CACNA1S: variants seen among roughly 807,000 people sequenced by gnomAD.
CACNA1S encodes calcium voltage-gated channel subunit alpha1 S.
Under a neutral mutation model 207.4 loss-of-function variants are expected in CACNA1S, and 126 were observed. The ratio of observed to expected loss-of-function variants is 0.61; its 90% CI spans 0.53 to 0.70. The LOEUF (loss-of-function observed/expected upper bound fraction) is 0.70, where lower values mean the gene tolerates loss of function less well. Ranked by LOEUF, CACNA1S falls within the 30% of genes least tolerant of loss-of-function variation. The pLI, the probability that CACNA1S is intolerant of heterozygous loss-of-function variation, is 0.00. For synonymous variants in CACNA1S, 960 were observed against 932.7 expected, an observed-to-expected ratio of 1.03 and a Z score of -0.53; for missense variants, 2,349 against 2,422.8, an observed-to-expected ratio of 0.97 and a Z score of 0.64.
At chr1:201,046,317 G>A (rs1361308277) in intron 38 of CACNA1S, among the ~76,000 whole-genome samples, 1 of 152,104 alleles carries the variant, frequency 6.6e-6, no homozygotes, top group Non-Finnish European at 1.5e-5. Flanking sequence ...AAATAGCTGG[G>A]ATTACAAGCG....
At chr1:201,107,359 G>T (rs1662931437) in intron 2 of CACNA1S, among the ~76,000 whole-genome samples, 1 of 152,112 alleles carries the variant, frequency 6.6e-6, no homozygotes, top group Admixed American at 6.5e-5. Flanking sequence ...ACTAGCTTAG[G>T]TTCTCTGTCA....
At chr1:201,047,423 G>A in intron 37 of CACNA1S, 102 bp downstream of exon 37, 7 of 1,255,000 alleles carry the variant, frequency 5.6e-6, no homozygotes, top group Non-Finnish European at 8.1e-6. Context: ...CATTTATGGA[G>A]GATCTGGTCC....
chr1:201,039,669 G>A lies in CACNA1S; in HGVS notation c.*162C>T, dbSNP rs1038931511. The A allele has an allele frequency of 2.7e-5, 23 of 845,330 alleles. No individual in the cohort carries two copies. Among genetic ancestry groups the A allele is most frequent in the South Asian group, 9.5e-5 (6 of 62,964 alleles). 52.4% of individuals were successfully genotyped at this position (845,330 alleles called of 1,614,324 possible). A position where few individuals can be genotyped will look rare whatever the true frequency, so the allele number is the denominator to read the frequency against. On this transcript the variant is annotated 3_prime_UTR_variant, in exon 44 of 44. Transcript: ENST00000362061. The stretch of plus-strand genomic sequence containing the variant: ...CAGGGCCTGTCCAGCTACTTCCTCC[G>A]CACTTTTTGAGGTGGTTCCTGACCA...
intron 7 of CACNA1S, among the ~76,000 whole-genome samples, chr1:201,087,004 A>G (rs907937011): frequency 6.6e-6 from 1 of 152,222 alleles, no homozygotes; most frequent in African/African-American, 2.4e-5. Context: ...AATTCTATCT[A>G]TAGACTGCCT....
intron 2 of CACNA1S, among the ~76,000 whole-genome samples, chr1:201,099,041 T>C (rs1283436271): frequency 6.6e-6 from 1 of 152,100 alleles, no homozygotes; most frequent in African/African-American, 2.4e-5. Flanking sequence ...GGACCGCACA[T>C]CCCCTCACCC....
At chr1:201,041,649 G>A in intron 40 of CACNA1S, 60 bp from the exon 41 acceptor site, 1 of 1,231,728 alleles carries the variant, frequency 8.1e-7, no homozygotes, top group Non-Finnish European at 1.2e-6. Context: ...CGGCATCCCT[G>A]CCTCTCTGGC....
intron 8 of CACNA1S, 87 bp from the exon 9 acceptor site, chr1:201,085,118 A>C: frequency 1.1e-6 from 1 of 940,078 alleles, no homozygotes; most frequent in Non-Finnish European, 1.7e-6. Context: ...ACAAGGGCCC[A>C]TTGACCAGAG....
At chr1:201,051,252 T>G (rs894966056) in intron 32 of CACNA1S, 109 bp from the exon 33 acceptor site, 12 of 1,028,128 alleles carry the variant, frequency 1.2e-5, no homozygotes, top group African/African-American at 1.6e-5. Flanking sequence ...CTGGGGCTGT[T>G]GTCCAATGGT....
At chr1:201,077,281 G>T (rs1428337188) in intron 11 of CACNA1S, among the ~76,000 whole-genome samples, 154 bp from the exon 12 acceptor site, 1 of 152,186 alleles carries the variant, frequency 6.6e-6, no homozygotes, top group Non-Finnish European at 1.5e-5. Flanking sequence ...ATGGCTGCAT[G>T]CCCACTCTCT....
chr1:201,077,778 C>G, intron 11 of CACNA1S, 101 bp downstream of exon 11: 3 of 765,620 alleles, frequency 3.9e-6, no homozygotes, highest in Non-Finnish European at 6.7e-6. Context: ...AGTGGTGAAC[C>G]TGCACAGATC....
At position 201,087,126 on chromosome 1, in the gene CACNA1S, A is replaced by C. The variant is rs146976463; in HGVS notation, c.1004+700T>G. On this transcript the variant is annotated intron_variant, in intron 7 of 43. Transcript: ENST00000362061. Reference sequence around the variant, plus strand: ...GAGGGATGACAGCAGGACTGGTCTCAAAGAGAACAGCTCTCATTAATAATG... The same window carrying C: ...GAGGGATGACAGCAGGACTGGTCTCCAAGAGAACAGCTCTCATTAATAATG... Among the ~76,000 whole-genome samples, 1,405 of 152,292 alleles carry C rather than the reference A, an allele frequency of 9.2e-3. 15 individuals are homozygous for C. The highest frequency in any genetic ancestry group is 0.028 in the African/African-American group (1,155 of 41,556).
At chr1:201,072,069 C>G (rs1041696147) in intron 16 of CACNA1S, among the ~76,000 whole-genome samples, 10 of 152,150 alleles carry the variant, frequency 6.6e-5, no homozygotes, top group African/African-American at 2.2e-4. Context: ...CCCGGTGATC[C>G]GAAGGACCCA....
At chr1:201,040,956 G>A (rs536744391) in intron 41 of CACNA1S, among the ~76,000 whole-genome samples, 385 of 152,308 alleles carry the variant, frequency 2.5e-3, no homozygotes, top group Non-Finnish European at 4.3e-3. Context: ...GGGGATAAGG[G>A]CCAGAGTCTC....
rs770622572 is a variant in CACNA1S at position 201,085,421 on chromosome 1, C to A, written c.1150+15G>T. On this transcript the variant is annotated intron_variant, in intron 8 of 43. Coordinates refer to ENST00000362061, the MANE Select transcript of CACNA1S (RefSeq NM_000069.3). ...AGAGTGGGGTGAGTGCTGACCACAG[C>A]CTTTGGGCCCAAACCTTCTCTGAAG... is the stretch of plus-strand genomic sequence containing the variant. 1 of 1,613,788 alleles carries A rather than the reference C, an allele frequency of 6.2e-7. No individual in the cohort carries two copies. Among genetic ancestry groups the A allele is most frequent in the Non-Finnish European group, 8.5e-7 (1 of 1,179,982 alleles).
intron 9 of CACNA1S, among the ~76,000 whole-genome samples, chr1:201,084,161 G>C (rs1661951430): frequency 6.6e-6 from 1 of 152,312 alleles, no homozygotes; most frequent in South Asian, 2.1e-4. Context: ...ATCCTTTAGT[G>C]TGTATTATAT....
At chr1:201,064,787 G>T (rs1019000053) in intron 22 of CACNA1S, among the ~76,000 whole-genome samples, 1 of 152,224 alleles carries the variant, frequency 6.6e-6, no homozygotes, top group African/African-American at 2.4e-5. Context: ...TCCTAGAGAG[G>T]AACTGAATAG....
intron 2 of CACNA1S, among the ~76,000 whole-genome samples, chr1:201,098,057 T>C (rs995425230): frequency 1.3e-4 from 20 of 152,258 alleles, no homozygotes; most frequent in African/African-American, 3.4e-4. Context: ...TGTTTTTGTT[T>C]TTAGCTGTTG....
intron 2 of CACNA1S, among the ~76,000 whole-genome samples, chr1:201,100,038 C>G (rs1366627099): frequency 1.3e-5 from 2 of 152,164 alleles, no homozygotes; most frequent in Non-Finnish European, 2.9e-5. Context: ...CACCTGCACA[C>G]TGCCTGAGAC....
intron 26 of CACNA1S, among the ~76,000 whole-genome samples, chr1:201,060,256 A>G (rs998836422): frequency 2.6e-5 from 4 of 152,080 alleles, no homozygotes; most frequent in Non-Finnish European, 5.9e-5. Context: ...AGGGTGCTCA[A>G]CTCCCAAGAG....
Sources: allele counts gnomAD v4.1 joint callset (sites outside exome capture counted in the v4.1 genomes callset), GRCh38; gene constraint gnomAD v4.1.1; transcripts MANE v1.5; gene names NCBI Gene and HGNC (gene_info 2026-07-23, HGNC 2026-07-21).